SARDH: variants seen among roughly 807,000 people sequenced by gnomAD.
SARDH encodes sarcosine dehydrogenase, mitochondrial.
A neutral mutation model predicts 109.1 loss-of-function variants in SARDH; 95 were observed. That is an observed-to-expected ratio of 0.87 (90% CI 0.74 to 1.03). The LOEUF (loss-of-function observed/expected upper bound fraction) is 1.03, where lower values mean the gene tolerates loss of function less well. Ranked by LOEUF, SARDH falls within the 50% of genes least tolerant of loss-of-function variation. The pLI is 0.00. For missense variants in SARDH, 1,267 were observed against 1,287.8 expected, an observed-to-expected ratio of 0.98 and a Z score of 0.25; for synonymous variants, 572 against 534.8, an observed-to-expected ratio of 1.07 and a Z score of -0.96.
intron 8 of SARDH, among the ~76,000 whole-genome samples, chr9:133,714,362 G>A (rs1321644486): frequency 1.3e-5 from 2 of 152,222 alleles, no homozygotes; most frequent in Non-Finnish European, 2.9e-5. Context: ...GGTGGAGGAG[G>A]CAGGCTAGAG....
Position 133,702,944 on chromosome 9 carries a change from GTGTACTCGTC to G in SARDH, c.1630_1639del (p.Asp544ProfsTer75), listed in dbSNP as rs1396351518. 1 of 1,612,866 alleles carries G rather than the reference GTGTACTCGTC, an allele frequency of 6.2e-7. No homozygotes were observed. The highest frequency in any genetic ancestry group is 2.2e-5 in the East Asian group (1 of 44,850). Reference sequence around the variant, plus strand: ...GTCGTGGTGGGGCGGGAAGGCGAAGGTGTACTCGTCTGCCAGCAGCCTGCGGTAGGCGTAG... The same window carrying G: ...GTCGTGGTGGGGCGGGAAGGCGAAGGTGCCAGCAGCCTGCGGTAGGCGTAG... On this transcript the variant is annotated frameshift_variant, in exon 13 of 21. Transcript: ENST00000439388. LOFTEE classifies it high-confidence loss of function.
chr9:133,671,638 CT>C lies in SARDH; in HGVS notation c.2222del (p.Lys741ArgfsTer11). The C allele has an allele frequency of 6.3e-7, 1 of 1,598,122 alleles. No individual in the cohort carries two copies. Among genetic ancestry groups the C allele is most frequent in the Non-Finnish European group, 8.5e-7 (1 of 1,172,952 alleles). The stretch of plus-strand genomic sequence containing the variant: ...CCCGGTACACAGGCACGCAGGACGC[CT>C]TTGGAATGTGCAGCTCCCAGCCCAG... The part of the protein sequence containing the change: ...GELGWELHIP[K>X]ASCVPVYRAV... On this transcript the variant is annotated frameshift_variant, in exon 18 of 21. Coordinates refer to ENST00000439388, the MANE Select transcript of SARDH (RefSeq NM_001134707.2). LOFTEE classifies it high-confidence loss of function.
At position 133,704,809 on chromosome 9, in the gene SARDH, G is replaced by A; in HGVS notation, c.1554+139C>T. On this transcript the variant is annotated intron_variant, in intron 12 of 20. Transcript: ENST00000439388. This position sits in a 1 kb window ranked among gnomAD's most constrained non-coding sequence, Gnocchi z 4.5. ...AGGTCGGCAGGGCTCGGCTTCCCGTGTGCAGAATAACTGATCACGACAGTG... is the reference window on the plus strand; with the variant it reads ...AGGTCGGCAGGGCTCGGCTTCCCGTATGCAGAATAACTGATCACGACAGTG... 1.4e-6 allele frequency: 1 copy of A among 704,096 alleles called. No homozygotes were observed. Among genetic ancestry groups the A allele is most frequent in the East Asian group, 2.7e-5 (1 of 36,478 alleles). 43.6% of individuals were successfully genotyped at this position (704,096 alleles called of 1,614,324 possible). A position where few individuals can be genotyped will look rare whatever the true frequency, so the allele number is the denominator to read the frequency against.
At chr9:133,681,985 G>A (rs1396626438) in intron 17 of SARDH, among the ~76,000 whole-genome samples, 1 of 151,902 alleles carries the variant, frequency 6.6e-6, no homozygotes, top group Non-Finnish European at 1.5e-5. Context: ...CTGAGACCTA[G>A]GGTAGCACTG....
intron 17 of SARDH, among the ~76,000 whole-genome samples, chr9:133,673,276 C>T (rs781635767): frequency 1.3e-5 from 2 of 152,258 alleles, no homozygotes; most frequent in African/African-American, 4.8e-5. Context: ...CTGGAGTCTG[C>T]GTCCTCACCT....
intron 20 of SARDH, 80 bp from the exon 21 acceptor site, chr9:133,664,094 G>A (rs919820412): frequency 3.2e-6 from 5 of 1,554,636 alleles, no homozygotes. Context: ...CTGGAGGAGG[G>A]GGTCTTGGTC....
chr9:133,712,518 G>A lies in SARDH; in HGVS notation c.1328+101C>T, dbSNP rs1831958518. On this transcript the variant is annotated intron_variant, in intron 10 of 20. Coordinates refer to ENST00000439388, the MANE Select transcript of SARDH (RefSeq NM_001134707.2). The surrounding 1 kb of genome is among the most constrained non-coding windows in gnomAD (Gnocchi z 4.1). ...TGCTGCCCCTTCCAGGAAGCCACCT[G>A]GATTTCAGGCAAGGCTCCTTTCTCA... 1 of 1,087,906 alleles carries A rather than the reference G, an allele frequency of 9.2e-7. No individual in the cohort carries two copies. The highest frequency in any genetic ancestry group is 1.5e-5 in the African/African-American group (1 of 65,030). The allele number at this position is 1,087,906 out of a possible 1,614,324, so 67.4% of individuals were successfully genotyped here.
chr9:133,729,022 G>C (rs1832583000), intron 6 of SARDH, among the ~76,000 whole-genome samples: 1 of 150,920 alleles, frequency 6.6e-6, no homozygotes, highest in African/African-American at 2.4e-5. Context: ...GGGAGGGAAA[G>C]AGTGGAGGGA....
At chr9:133,669,900 C>G (rs1830275748) in intron 19 of SARDH, among the ~76,000 whole-genome samples, 1 of 152,236 alleles carries the variant, frequency 6.6e-6, no homozygotes. Context: ...CTAGACCTGC[C>G]ACAGAGGGGT....
rs947055104 is a variant in SARDH at position 133,712,883 on chromosome 9, G to A, written c.1237+155C>T. 3.2e-6 allele frequency: 3 copies of A among 935,892 alleles called. No homozygotes were observed. Among genetic ancestry groups the A allele is most frequent in the Non-Finnish European group, 4.9e-6 (3 of 613,968 alleles). The allele number at this position is 935,892 out of a possible 1,614,324, so 58.0% of individuals were successfully genotyped here. On this transcript the variant is annotated intron_variant, in intron 9 of 20. Coordinates refer to ENST00000439388, the MANE Select transcript of SARDH (RefSeq NM_001134707.2). The surrounding 1 kb of genome is among the most constrained non-coding windows in gnomAD (Gnocchi z 4.1). ...TGCTGGACTGGACCCTGGCACAGGT[G>A]CACTCTCTGGGAAGCAGAAGGGGCT...
downstream of SARDH, among the ~76,000 whole-genome samples, chr9:133,660,272 T>C (rs1022826003): frequency 1.3e-5 from 2 of 152,020 alleles, no homozygotes; most frequent in African/African-American, 4.8e-5. Context: ...GTAGTTTCTG[T>C]TTCCATTGAT....
chr9:133,711,290 C>T (rs544521623), intron 10 of SARDH, among the ~76,000 whole-genome samples: 1 of 152,344 alleles, frequency 6.6e-6, no homozygotes, highest in South Asian at 2.1e-4. Context: ...GAGCTGGAAT[C>T]CCCAAGGGAG....
At chr9:133,663,066 G>A (rs983666238), downstream of SARDH, among the ~76,000 whole-genome samples, 8 of 152,234 alleles carry the variant, frequency 5.3e-5, no homozygotes, top group Admixed American at 5.2e-4. Context: ...GGCATGGGCA[G>A]GAACCGCGTC....
chr9:133,734,428 C>CTCATTCAT (rs1162231275), intron 1 of SARDH, among the ~76,000 whole-genome samples: 6 of 143,022 alleles, frequency 4.2e-5, no homozygotes, highest in African/African-American at 8.0e-5. Flanking sequence ...CATTCATTCA[C>CTCATTCAT]TCATTCATTC....
chr9:133,696,379 G>A lies in SARDH; in HGVS notation c.1669-18C>T. 1 of 1,613,872 alleles carries A rather than the reference G, an allele frequency of 6.2e-7. No homozygotes were observed. Among genetic ancestry groups the A allele is most frequent in the Non-Finnish European group, 8.5e-7 (1 of 1,180,006 alleles). On this transcript the variant is annotated intron_variant, in intron 13 of 20. Coordinates refer to ENST00000439388, the MANE Select transcript of SARDH (RefSeq NM_001134707.2). ...TTCTTGATCTGAAAAGTTCCAGACA[G>A]GTGGGAATGCCACGGGGGCCTTTGG...
At chr9:133,665,286 T>C (rs1402023397) in intron 20 of SARDH, among the ~76,000 whole-genome samples, 3 of 152,208 alleles carry the variant, frequency 2.0e-5, no homozygotes, top group Non-Finnish European at 4.4e-5. Context: ...ATTACTGTTC[T>C]TTGAAGAAAT....
chr9:133,700,036 G>A (rs981751135), intron 13 of SARDH, among the ~76,000 whole-genome samples: 2 of 152,210 alleles, frequency 1.3e-5, no homozygotes, highest in African/African-American at 4.8e-5. Context: ...GGATAAAAAG[G>A]AATGAAGTGG....
chr9:133,679,059 G>A (rs1182696795), intron 17 of SARDH, among the ~76,000 whole-genome samples: 6 of 152,138 alleles, frequency 3.9e-5, no homozygotes, highest in Non-Finnish European at 7.3e-5. Context: ...CCGGGTGGGG[G>A]TCGAAGCTTC....
chr9:133,734,054 C>T lies in SARDH; in HGVS notation c.120G>A (p.Val40=). 6.2e-7 allele frequency: 1 copy of T among 1,613,344 alleles called. No individual in the cohort carries two copies. Among genetic ancestry groups the T allele is most frequent in the Non-Finnish European group, 8.5e-7 (1 of 1,179,954 alleles). The part of the protein sequence containing the change: ...SAAGPTAEKS[V]PYQRTLKEGQ... ...CCTCCTTCAGGGTCCGCTGATATGG[C>T]ACACTCTTCTCGGCTGTGGGGCCAG... is the stretch of plus-strand genomic sequence containing the variant. Residue 40 remains valine (V), a synonymous_variant, in exon 2 of 21, where the codon GTG becomes GTA. Transcript: ENST00000439388.
Sources: gnomAD v4.1 joint callset for allele counts (sites outside exome capture counted in the v4.1 genomes callset) on GRCh38, gnomAD v4.1.1 for gene constraint, Gnocchi (gnomAD v3.1) non-coding constraint, MANE v1.5 for transcripts, NCBI Gene and HGNC (gene_info 2026-07-23, HGNC 2026-07-21) for gene names.